RHPN2: variants seen among roughly 807,000 people sequenced by gnomAD.
RHPN2 encodes rhophilin-2.
RHPN2 carries 40 observed loss-of-function variants against 79.0 expected under a neutral mutation model. The observed-to-expected ratio is 0.51, with a 90% CI of 0.39 to 0.66. The LOEUF is 0.66. Ranked by LOEUF, RHPN2 falls within the 30% of genes least tolerant of loss-of-function variation. RHPN2 has a pLI of 0.00. For synonymous variants in RHPN2, 285 were observed against 363.5 expected (o/e 0.78, Z 2.46); for missense variants, 686 against 883.5 (o/e 0.78, Z 2.83).
chr19:32,994,264 C>A (rs1329922906), intron 11 of RHPN2, among the ~76,000 whole-genome samples: 2 of 152,026 alleles, frequency 1.3e-5, no homozygotes, highest in Non-Finnish European at 2.9e-5. Flanking sequence ...GGTATGGTGG[C>A]AGGTGACTGT....
intron 4 of RHPN2, 55 bp from the exon 5 acceptor site, chr19:33,012,779 G>T: frequency 1.0e-6 from 1 of 961,830 alleles, no homozygotes; most frequent in Non-Finnish European, 1.7e-6. Flanking sequence ...CCATATGTGT[G>T]CATAATAGTA....
chr19:32,979,900 G>C lies in RHPN2; in HGVS notation c.*96C>G, dbSNP rs8112607. The C allele has an allele frequency of 0.14, 199,037 of 1,423,356 alleles. 14,957 individuals are homozygous for C. The highest frequency in any genetic ancestry group is 0.16 in the Non-Finnish European group (157,637 of 1,011,998). The allele number at this position is 1,423,356 out of a possible 1,614,324, so 88.2% of individuals were successfully genotyped here. A position where few individuals can be genotyped will look rare whatever the true frequency, so the allele number is the denominator to read the frequency against. ...ACACTATGAGAAAAACAGGATTTGA[G>C]AACAGATAGATAGATATTTTCCATT... On this transcript the variant is annotated 3_prime_UTR_variant, in exon 15 of 15. Coordinates refer to ENST00000254260, the MANE Select transcript of RHPN2 (RefSeq NM_033103.5).
intron 14 of RHPN2, among the ~76,000 whole-genome samples, chr19:32,990,291 TGGGCAATA>T (rs1299226179): frequency 6.6e-6 from 1 of 152,194 alleles, no homozygotes; most frequent in African/African-American, 2.4e-5. Flanking sequence ...CAAACCAGCC[TGGGCAATA>T]GGGCAAGACG....
intron 1 of RHPN2, 29 bp downstream of exon 1, chr19:33,064,755 T>TGGGGC: frequency 1.7e-5 from 24 of 1,427,844 alleles, no homozygotes; most frequent in Non-Finnish European, 2.1e-5. Flanking sequence ...AGCCCGCAGG[T>TGGGGC]CCCCGCCCGC....
At chr19:33,038,750 T>C (rs1972077703) in intron 2 of RHPN2, among the ~76,000 whole-genome samples, 1 of 152,054 alleles carries the variant, frequency 6.6e-6, no homozygotes, top group Non-Finnish European at 1.5e-5. Flanking sequence ...CTCGAACTCC[T>C]GGGCTCAGGG....
chr19:33,036,742 C>T (rs952628164), intron 2 of RHPN2, among the ~76,000 whole-genome samples: 12 of 152,200 alleles, frequency 7.9e-5, no homozygotes, highest in Non-Finnish European at 1.5e-4. Context: ...AGCCGACGTC[C>T]GGCCCGCTGG....
chr19:33,057,757 A>T (rs1006692439), intron 1 of RHPN2, among the ~76,000 whole-genome samples: 3 of 151,904 alleles, frequency 2.0e-5, no homozygotes, highest in African/African-American at 7.2e-5. Context: ...ACCAGCCCAG[A>T]CCAGGAGATC....
intron 10 of RHPN2, among the ~76,000 whole-genome samples, chr19:32,998,712 GAA>G (rs1568311959): frequency 6.9e-6 from 1 of 144,888 alleles, no homozygotes; most frequent in Non-Finnish European, 1.5e-5. Context: ...GAGAGAGAGA[GAA>G]AGGAAAGAAG....
rs553211620 is a variant in RHPN2, at chr19:32,984,659, C to CA, written c.1801-4404dup. On this transcript the variant is annotated intron_variant, in intron 14 of 14. Coordinates refer to ENST00000254260, the MANE Select transcript of RHPN2 (RefSeq NM_033103.5). The stretch of plus-strand genomic sequence containing the variant: ...GATGACAAGAGCAAGACTCTGTCTC[C>CA]AAAAAAAAAGAGCCAGGTACAGTGG... Among the ~76,000 whole-genome samples the CA allele has an allele frequency of 4.4e-3, 648 of 147,742 alleles. 2 individuals are homozygous for CA. The highest frequency in any genetic ancestry group is 7.2e-3 in the Non-Finnish European group (477 of 66,618).
chr19:33,005,632 C>G (rs1971784687), intron 7 of RHPN2, among the ~76,000 whole-genome samples: 1 of 149,402 alleles, frequency 6.7e-6, no homozygotes, highest in Admixed American at 6.7e-5. Context: ...AAAAGCCCTG[C>G]CCTGCGGAGG....
intron 3 of RHPN2, among the ~76,000 whole-genome samples, chr19:33,024,797 T>A (rs1971953144): frequency 6.6e-6 from 1 of 152,208 alleles, no homozygotes; most frequent in South Asian, 2.1e-4. Context: ...TTTGTGTTTT[T>A]TGAGACAGGA....
chr19:33,049,537 T>C (rs1972170670), intron 1 of RHPN2, among the ~76,000 whole-genome samples: 1 of 152,202 alleles, frequency 6.6e-6, no homozygotes, highest in African/African-American at 2.4e-5. Context: ...GACCTCGGGA[T>C]CTGCTGTTGA....
At chr19:33,046,700 GTCTA>G (rs1972145527) in intron 1 of RHPN2, among the ~76,000 whole-genome samples, 1 of 152,174 alleles carries the variant, frequency 6.6e-6, no homozygotes, top group Non-Finnish European at 1.5e-5. Flanking sequence ...ACAGGTGCTG[GTCTA>G]TCTTTTTTAT....
chr19:33,035,454 T>C (rs886285537), intron 2 of RHPN2, among the ~76,000 whole-genome samples: 1 of 152,200 alleles, frequency 6.6e-6, no homozygotes, highest in African/African-American at 2.4e-5. Context: ...GCCCTTAAGA[T>C]GTAGACCTCT....
At chr19:33,050,886 G>A (rs1047118219) in intron 1 of RHPN2, among the ~76,000 whole-genome samples, 3 of 152,002 alleles carry the variant, frequency 2.0e-5, no homozygotes, top group Non-Finnish European at 4.4e-5. Flanking sequence ...AATTCTATTG[G>A]AGGAACATAC....
chr19:32,992,047 C>T (rs766473010), intron 12 of RHPN2, 78 bp from the exon 13 acceptor site: 24 of 1,555,174 alleles, frequency 1.5e-5, no homozygotes, highest in Non-Finnish European at 1.7e-5. Context: ...ATTTTGCCTG[C>T]TGTCCTTGAA....
In RHPN2 at chr19:33,064,833, G is replaced by A; in HGVS notation, c.20C>T (p.Pro7Leu). The A allele has an allele frequency of 6.6e-7, 1 of 1,518,802 alleles. No individual in the cohort carries two copies. The highest frequency in any genetic ancestry group is 8.8e-7 in the Non-Finnish European group (1 of 1,139,940). The allele number at this position is 1,518,802 out of a possible 1,614,324, so 94.1% of individuals were successfully genotyped here. Residue 7 changes from proline (P) to leucine (L), a missense_variant, in exon 1 of 15, where the codon CCC (proline) becomes CTC (leucine). Coordinates refer to ENST00000254260, the MANE Select transcript of RHPN2 (RefSeq NM_033103.5). ...CTTCTCCAGCGGCTGGGGGGCCGCG[G>A]GCAACAGCGCGTCGGTCATGCTAGC... MTDALLPAAPQPLEKEN... is the reference protein window; with the variant it reads MTDALLLAAPQPLEKEN...
chr19:33,011,495 G>A (rs762659617), intron 6 of RHPN2, among the ~76,000 whole-genome samples, 184 bp downstream of exon 6: 7 of 152,076 alleles, frequency 4.6e-5, no homozygotes, highest in Non-Finnish European at 7.4e-5. Flanking sequence ...ATCTCCCCTC[G>A]GATCACCTTC....
intron 1 of RHPN2, among the ~76,000 whole-genome samples, chr19:33,055,507 G>A (rs911765276): frequency 6.6e-6 from 1 of 152,034 alleles, no homozygotes; most frequent in African/African-American, 2.4e-5. Flanking sequence ...ACAGCCGGAG[G>A]GGTAGTATCA....
Sources: allele counts gnomAD v4.1 joint callset (sites outside exome capture counted in the v4.1 genomes callset), GRCh38; gene constraint gnomAD v4.1.1; transcripts MANE v1.5; gene names NCBI Gene and HGNC (gene_info 2026-07-23, HGNC 2026-07-21).